The following GRIA3 variants were observed in gnomAD, a reference collection of about 807,000 sequenced individuals.
GRIA3 encodes glutamate receptor 3.
GRIA3 carries 3 observed loss-of-function variants against 63.0 expected under a neutral mutation model. The ratio of observed to expected loss-of-function variants is 0.05; its 90% CI spans 0.02 to 0.12. The LOEUF (loss-of-function observed/expected upper bound fraction) is 0.12. Among genes scored for constraint, GRIA3 ranks in the 10% least tolerant of loss-of-function variants. The pLI is 1.00. For missense variants in GRIA3, 347 were observed against 700.9 expected (o/e 0.50, Z 5.70); for synonymous variants, 274 against 257.9 (o/e 1.06, Z -0.60).
rs150467859 is a variant in GRIA3 at position 123,226,766 on chromosome X, T to C, written c.269-26537T>C. ...GCAGAGAGAGACTTTAAAAACCCCA[T>C]TGAGATTTCAAAAGAACAATACAAT... On this transcript the variant is annotated intron_variant, in intron 2 of 15. Transcript: ENST00000620443. Among the ~76,000 whole-genome samples the C allele has an allele frequency of 3.2e-3, 353 of 111,707 alleles. 1 individual carries two copies. The highest frequency in any genetic ancestry group is 9.2e-3 in the Middle Eastern group (2 of 218).
chrX:123,219,393 C>T (rs1187109850), intron 2 of GRIA3, among the ~76,000 whole-genome samples: 3 of 112,078 alleles, frequency 2.7e-5, no homozygotes, highest in Non-Finnish European at 5.6e-5. Flanking sequence ...CTCTAATCCC[C>T]ACTTTCTTTT....
intron 5 of GRIA3, among the ~76,000 whole-genome samples, chrX:123,371,171 A>AGGCAGG (rs2045245317): frequency 9.1e-6 from 1 of 110,249 alleles, no homozygotes; most frequent in Non-Finnish European, 1.9e-5. Context: ...CTCTTAGCAT[A>AGGCAGG]ATGACCTCCA....
At chrX:123,250,110 G>A (rs926889974) in intron 2 of GRIA3, among the ~76,000 whole-genome samples, 2 of 111,248 alleles carry the variant, frequency 1.8e-5, no homozygotes, top group East Asian at 2.8e-4. Flanking sequence ...CAAATTTCAC[G>A]ATAGTAGTTA....
chrX:123,287,290 A>G (rs975311979), intron 3 of GRIA3, among the ~76,000 whole-genome samples: 2 of 111,995 alleles, frequency 1.8e-5, no homozygotes, highest in African/African-American at 6.5e-5. Context: ...TATTTATGAC[A>G]AACCCACAGC....
At chrX:123,274,535 C>T (rs1018598734) in intron 3 of GRIA3, among the ~76,000 whole-genome samples, 3 of 112,614 alleles carry the variant, frequency 2.7e-5, no homozygotes, top group Non-Finnish European at 3.7e-5. Context: ...ATTTGCCTCT[C>T]ATCACCAACC....
rs185743960 is a variant in GRIA3 at position 123,290,669 on chromosome X, A to G, written c.509-35357A>G. The stretch of plus-strand genomic sequence containing the variant: ...AAAAAAATTATTTGCATTAGACATC[A>G]TAATCATGTTCTCAATTTATATAGC... On this transcript the variant is annotated intron_variant, in intron 3 of 15. Transcript: ENST00000620443. 2.6e-3 allele frequency among the ~76,000 whole-genome samples: 287 copies of G among 110,157 alleles called. 1 individual carries two copies. The highest frequency in any genetic ancestry group is 8.5e-3 in the African/African-American group (257 of 30,352).
intron 13 of GRIA3, chrX:123,465,637 G>A: frequency 9.7e-7 from 1 of 1,030,545 alleles, no homozygotes; most frequent in Non-Finnish European, 1.4e-6. Context: ...CTAAGCATTT[G>A]TGCATTTTCT....
intron 3 of GRIA3, among the ~76,000 whole-genome samples, chrX:123,292,877 T>C (rs1048874051): frequency 1.8e-5 from 2 of 110,847 alleles, no homozygotes; most frequent in Non-Finnish European, 3.8e-5. Flanking sequence ...TCTTTTTACC[T>C]TGGACGATCA....
chrX:123,457,908 C>T (rs903102226), intron 12 of GRIA3, among the ~76,000 whole-genome samples: 2 of 110,989 alleles, frequency 1.8e-5, no homozygotes, highest in African/African-American at 6.6e-5. Context: ...TGGGAGGCCA[C>T]ATTTTAGGAG....
At chrX:123,394,292 G>A (rs765503548) in intron 5 of GRIA3, among the ~76,000 whole-genome samples, 3 of 109,701 alleles carry the variant, frequency 2.7e-5, no homozygotes, top group South Asian at 4.0e-4. Context: ...AACCCGGGGG[G>A]TGGTGTGGAG....
intron 5 of GRIA3, among the ~76,000 whole-genome samples, chrX:123,382,029 G>T (rs2045327765): frequency 8.9e-6 from 1 of 112,071 alleles, no homozygotes; most frequent in Admixed American, 9.5e-5. Flanking sequence ...TAAATGCTGG[G>T]AACCAGAGTG....
intron 3 of GRIA3, among the ~76,000 whole-genome samples, chrX:123,319,079 C>T (rs1182071269): frequency 1.8e-5 from 2 of 111,510 alleles, no homozygotes; most frequent in African/African-American, 3.3e-5. Context: ...AGGAATAGCA[C>T]ATGAAAGCCC....
intron 3 of GRIA3, among the ~76,000 whole-genome samples, chrX:123,284,682 G>A (rs182175318): frequency 4.9e-4 from 55 of 111,155 alleles, no homozygotes; most frequent in South Asian, 7.6e-4. Context: ...GAAATAAAGC[G>A]TGAAGACAAG....
At chrX:123,318,989 G>A (rs947488158) in intron 3 of GRIA3, among the ~76,000 whole-genome samples, 11 of 111,630 alleles carry the variant, frequency 9.9e-5, no homozygotes, top group Admixed American at 5.7e-4. Context: ...ACATGGCAGC[G>A]GCAAGGAAAA....
intron 4 of GRIA3, among the ~76,000 whole-genome samples, chrX:123,326,687 T>C (rs2044907559): frequency 8.9e-6 from 1 of 111,793 alleles, no homozygotes; most frequent in East Asian, 2.8e-4. Context: ...TGACTATGGA[T>C]AGACAGACTG....
Position 123,359,694 on chromosome X carries a change from A to G in GRIA3, c.750+4731A>G, listed in dbSNP as rs1004940381. On this transcript the variant is annotated intron_variant, in intron 5 of 15. Coordinates refer to ENST00000620443, the MANE Select transcript of GRIA3 (RefSeq NM_007325.5). The stretch of plus-strand genomic sequence containing the variant: ...TGGATCTGGATTGAATGATCCAACA[A>G]CAGATGTTCATCACTCCCCAAATAA... Among the ~76,000 whole-genome samples, 5 of 112,105 alleles carry G rather than the reference A, an allele frequency of 4.5e-5. No homozygotes were observed. The South Asian group carries it at 1.9e-3, about 43-fold the overall frequency.
chrX:123,455,518 T>A (rs2045756640), intron 12 of GRIA3, among the ~76,000 whole-genome samples: 1 of 111,857 alleles, frequency 8.9e-6, no homozygotes, highest in Non-Finnish European at 1.9e-5. Context: ...AAGAAAAAAA[T>A]GTGTCCGATG....
Position 123,395,133 on chromosome X carries a change from AT to A in GRIA3, c.912+5del. ...AGCCAAGAATGCACCACTAAAGGTAATGTTCCATGGCATGTAAAAAACCTAA... is the reference window on the plus strand; with the variant it reads ...AGCCAAGAATGCACCACTAAAGGTAAGTTCCATGGCATGTAAAAAACCTAA... On this transcript the variant is annotated splice_donor_5th_base_variant and intron_variant, in intron 6 of 15. Coordinates refer to ENST00000620443, the MANE Select transcript of GRIA3 (RefSeq NM_007325.5). 1 of 1,201,011 alleles carries A rather than the reference AT, an allele frequency of 8.3e-7. No homozygotes were observed. Among genetic ancestry groups the A allele is most frequent in the Non-Finnish European group, 1.1e-6 (1 of 885,836 alleles).
intron 2 of GRIA3, among the ~76,000 whole-genome samples, chrX:123,203,436 C>T (rs1183572780): frequency 8.9e-6 from 1 of 111,751 alleles, no homozygotes; most frequent in Non-Finnish European, 1.9e-5. Flanking sequence ...TTTCCAAGGT[C>T]CTTTCTAGCT....
Sources: allele counts gnomAD v4.1 joint callset (sites outside exome capture counted in the v4.1 genomes callset), GRCh38; gene constraint gnomAD v4.1.1; transcripts MANE v1.5; gene names NCBI Gene and HGNC (gene_info 2026-07-23, HGNC 2026-07-21).